MNAT1: variants seen among roughly 807,000 people sequenced by gnomAD.
MNAT1 encodes MNAT1 component of CDK activating kinase.
Under a neutral mutation model 42.0 loss-of-function variants are expected in MNAT1, and 43 were observed. That is an observed-to-expected ratio of 1.02 (90% CI 0.80 to 1.32). The LOEUF (loss-of-function observed/expected upper bound fraction) is 1.32, where lower values mean the gene tolerates loss of function less well. Ranked by LOEUF, MNAT1 falls within the 40% of genes most tolerant of loss-of-function variation. MNAT1 has a pLI of 0.00. For synonymous variants in MNAT1, 118 were observed against 120.0 expected (o/e 0.98, Z 0.11); for missense variants, 306 against 350.4 (o/e 0.87, Z 1.01).
intron 7 of MNAT1, among the ~76,000 whole-genome samples, chr14:60,921,055 C>T (rs2035649172): frequency 6.6e-6 from 1 of 152,096 alleles, no homozygotes; most frequent in African/African-American, 2.4e-5. Context: ...CTTTTAATTT[C>T]TCTAAGTCCT....
At chr14:60,948,305 C>G (rs1455579611) in intron 7 of MNAT1, among the ~76,000 whole-genome samples, 1 of 152,046 alleles carries the variant, frequency 6.6e-6, no homozygotes, top group Admixed American at 6.6e-5. Context: ...GTGGTGCATG[C>G]CTGTAGTCCC....
intron 6 of MNAT1, among the ~76,000 whole-genome samples, chr14:60,842,776 C>T (rs2033585077): frequency 6.6e-6 from 1 of 151,988 alleles, no homozygotes; most frequent in South Asian, 2.1e-4. Context: ...TTGAAAATAC[C>T]ATAAGTCAAA....
chr14:60,815,339 C>T (rs1036121333), intron 5 of MNAT1, among the ~76,000 whole-genome samples: 20 of 151,962 alleles, frequency 1.3e-4, no homozygotes, highest in African/African-American at 3.6e-4. Flanking sequence ...CTTAGCCTCC[C>T]GAGTAGCTAG....
At chr14:60,956,546 T>C (rs1043181447) in intron 7 of MNAT1, among the ~76,000 whole-genome samples, 1 of 152,220 alleles carries the variant, frequency 6.6e-6, no homozygotes, top group Non-Finnish European at 1.5e-5. Flanking sequence ...CAGCTTAGTG[T>C]TCCTTTACTG....
Position 60,937,803 on chromosome 14 carries a change from C to T in MNAT1, c.810-30426C>T, listed in dbSNP as rs1301956771. Among the ~76,000 whole-genome samples, 6 of 152,124 alleles carry T rather than the reference C, an allele frequency of 3.9e-5. No homozygotes were observed. The South Asian group carries it at 1.0e-3, about 26-fold the overall frequency. On this transcript the variant is annotated intron_variant, in intron 7 of 7. Coordinates refer to ENST00000261245, the MANE Select transcript of MNAT1 (RefSeq NM_002431.4). Reference sequence around the variant, plus strand: ...TAGCTTGATGGGGATGGCATTGAATCTATAAATTACCTTGGGCAGTATGGC... The same window carrying T: ...TAGCTTGATGGGGATGGCATTGAATTTATAAATTACCTTGGGCAGTATGGC...
chr14:60,937,995 G>T (rs1245556746), intron 7 of MNAT1, among the ~76,000 whole-genome samples: 1 of 152,118 alleles, frequency 6.6e-6, no homozygotes, highest in Non-Finnish European at 1.5e-5. Flanking sequence ...TGAAGCAATT[G>T]TGAATAGGAG....
At chr14:60,933,685 A>T (rs1336713938) in intron 7 of MNAT1, among the ~76,000 whole-genome samples, 1 of 152,226 alleles carries the variant, frequency 6.6e-6, no homozygotes, top group African/African-American at 2.4e-5. Context: ...ACAATCCCAT[A>T]GCTATTGACA....
At chr14:60,911,838 C>T (rs566884401) in intron 7 of MNAT1, among the ~76,000 whole-genome samples, 90 of 151,814 alleles carry the variant, frequency 5.9e-4, no homozygotes, top group Admixed American at 2.4e-3. Context: ...GTATTAGGTC[C>T]GCTTGGTGCA....
chr14:60,954,525 T>C (rs1216638440), intron 7 of MNAT1, among the ~76,000 whole-genome samples: 1 of 152,124 alleles, frequency 6.6e-6, no homozygotes, highest in Non-Finnish European at 1.5e-5. Context: ...GATTGTTTTC[T>C]TGATTTCTTC....
At chr14:60,764,742 G>A (rs113077953) in intron 1 of MNAT1, among the ~76,000 whole-genome samples, 2,078 of 152,280 alleles carry the variant, frequency 0.014, 46 homozygotes, top group African/African-American at 0.048. Flanking sequence ...ATGTGTATAC[G>A]TAAATAAATA....
intron 4 of MNAT1, chr14:60,809,067 T>C (rs1439240398): frequency 6.6e-6 from 1 of 152,166 alleles, no homozygotes; most frequent in East Asian, 1.9e-4. Context: ...TGTATTAGAA[T>C]GTATTCTATA....
chr14:60,891,990 C>T (rs920577757), intron 7 of MNAT1, among the ~76,000 whole-genome samples: 2 of 152,006 alleles, frequency 1.3e-5, no homozygotes, highest in African/African-American at 4.8e-5. Flanking sequence ...CTAACCTCAT[C>T]CTGTTATGAT....
At chr14:60,783,086 C>G (rs2031522066) in intron 1 of MNAT1, among the ~76,000 whole-genome samples, 1 of 152,138 alleles carries the variant, frequency 6.6e-6, no homozygotes, top group African/African-American at 2.4e-5. Flanking sequence ...TTGGTATGAC[C>G]TTTAGATTTG....
intron 6 of MNAT1, among the ~76,000 whole-genome samples, chr14:60,874,538 C>G (rs139665323): frequency 3.4e-4 from 51 of 152,070 alleles, no homozygotes; most frequent in Non-Finnish European, 5.7e-4. Context: ...TTTTCTCCCC[C>G]TTGATATTCT....
At chr14:60,885,662 C>CT (rs757189371) in intron 7 of MNAT1, among the ~76,000 whole-genome samples, 57 of 152,052 alleles carry the variant, frequency 3.7e-4, no homozygotes, top group Admixed American at 1.0e-3. Flanking sequence ...GGTATTAACC[C>CT]TTTATTGGAT....
intron 6 of MNAT1, among the ~76,000 whole-genome samples, chr14:60,851,596 C>T (rs780942244): frequency 1.3e-5 from 2 of 152,038 alleles, no homozygotes. Context: ...AGGTTTGTTA[C>T]GTAGGTACAC....
chr14:60,827,746 A>G (rs945993832), intron 6 of MNAT1, among the ~76,000 whole-genome samples: 1 of 152,204 alleles, frequency 6.6e-6, no homozygotes, highest in African/African-American at 2.4e-5. Flanking sequence ...ATTTGAATCT[A>G]TAAAGGTATT....
chr14:60,857,780 T>C (rs914928456), intron 6 of MNAT1, among the ~76,000 whole-genome samples: 3 of 149,862 alleles, frequency 2.0e-5, no homozygotes, highest in African/African-American at 7.3e-5. Flanking sequence ...TGTGTCCATG[T>C]GTTCGCATTG....
At chr14:60,765,772 G>T (rs1220696250) in intron 1 of MNAT1, among the ~76,000 whole-genome samples, 1 of 152,148 alleles carries the variant, frequency 6.6e-6, no homozygotes, top group African/African-American at 2.4e-5. Flanking sequence ...GGCAATCTAA[G>T]ACATACAGTA....
Sources: gnomAD v4.1 joint callset for allele counts (sites outside exome capture counted in the v4.1 genomes callset) on GRCh38, gnomAD v4.1.1 for gene constraint, MANE v1.5 for transcripts, NCBI Gene and HGNC (gene_info 2026-07-23, HGNC 2026-07-21) for gene names.